TNIK: variants seen among roughly 807,000 people sequenced by gnomAD.
TNIK encodes the protein TRAF2 and NCK-interacting protein kinase.
Under a neutral mutation model 191.3 loss-of-function variants are expected in TNIK, and 49 were observed. The observed-to-expected ratio is 0.26, with a 90% CI of 0.20 to 0.32. The LOEUF is 0.32. TNIK is among the 10% of genes least tolerant of loss of function. The probability of loss-of-function intolerance (pLI) is 1.00; values close to 1 mark genes in which losing one functional copy is unlikely to be tolerated. For synonymous variants in TNIK, 594 were observed against 600.9 expected (o/e 0.99, Z 0.17); for missense variants, 1,155 against 1,702.3 (o/e 0.68, Z 5.66).
chr3:171,381,891 T>C (rs1315465716), intron 1 of TNIK, among the ~76,000 whole-genome samples: 2 of 152,200 alleles, frequency 1.3e-5, no homozygotes, highest in African/African-American at 4.8e-5. Context: ...AATTTAAGAA[T>C]GGAAGCCTTA....
chr3:171,290,723 C>G (rs1751590528), intron 2 of TNIK, among the ~76,000 whole-genome samples: 1 of 152,166 alleles, frequency 6.6e-6, no homozygotes, highest in Admixed American at 6.5e-5. Context: ...ACTTCCAAAT[C>G]CTCATCACCA....
At chr3:171,218,379 C>T (rs1324928845) in intron 3 of TNIK, among the ~76,000 whole-genome samples, 1 of 152,072 alleles carries the variant, frequency 6.6e-6, no homozygotes, top group African/African-American at 2.4e-5. Flanking sequence ...TTAACAAGAC[C>T]CAAACTCAAG....
At chr3:171,118,233 G>C (rs2108536511) in intron 18 of TNIK, among the ~76,000 whole-genome samples, 1 of 152,252 alleles carries the variant, frequency 6.6e-6, no homozygotes, top group South Asian at 2.1e-4. Flanking sequence ...ACTTACAAGG[G>C]ACGTGAAGGA....
At chr3:171,072,463 CCAGAGCCAA>C in intron 28 of TNIK, among the ~76,000 whole-genome samples, 1 of 152,058 alleles carries the variant, frequency 6.6e-6, no homozygotes, top group Admixed American at 6.6e-5. Flanking sequence ...TATGACAAAC[CCAGAGCCAA>C]CATCATACTG....
intron 2 of TNIK, among the ~76,000 whole-genome samples, chr3:171,261,456 T>G (rs774861388): frequency 6.6e-6 from 1 of 152,176 alleles, no homozygotes; most frequent in Non-Finnish European, 1.5e-5. Flanking sequence ...TAAATGTCAA[T>G]CTACTTTCAA....
chr3:171,365,161 C>CTTT lies in TNIK; in HGVS notation c.123+4456_123+4458dup, dbSNP rs60887361. On this transcript the variant is annotated intron_variant, in intron 2 of 32. Coordinates refer to ENST00000436636, the MANE Select transcript of TNIK (RefSeq NM_015028.4). ...AAGGACTACACAAAAGGACTACATT[C>CTTT]TTTTTTTTTTTTTTTTTTTTTTTTT... Among the ~76,000 whole-genome samples the CTTT allele has an allele frequency of 1.2e-3, 37 of 31,934 alleles. 11 individuals carry two copies. The highest frequency in any genetic ancestry group is 2.5e-3 in the African/African-American group (28 of 11,180). 20.9% of individuals were successfully genotyped at this position (31,934 alleles called of 152,430 possible).
intron 27 of TNIK, among the ~76,000 whole-genome samples, chr3:171,081,484 C>A (rs1244330364): frequency 6.7e-6 from 1 of 149,772 alleles, no homozygotes; most frequent in Non-Finnish European, 1.5e-5. Flanking sequence ...TGACTCTGGT[C>A]TGGGGGTGCA....
intron 2 of TNIK, among the ~76,000 whole-genome samples, chr3:171,269,144 C>T (rs1405323556): frequency 6.6e-6 from 1 of 152,030 alleles, no homozygotes; most frequent in East Asian, 1.9e-4. Context: ...AGCATGTTGG[C>T]TACTTGAAAA....
At chr3:171,233,374 A>T (rs1743898969) in intron 2 of TNIK, among the ~76,000 whole-genome samples, 1 of 152,218 alleles carries the variant, frequency 6.6e-6, no homozygotes. Flanking sequence ...AAAAAGCAGA[A>T]TGTAGAATAT....
intron 18 of TNIK, among the ~76,000 whole-genome samples, chr3:171,119,412 A>C (rs922257078): frequency 2.0e-5 from 3 of 152,160 alleles, no homozygotes; most frequent in African/African-American, 4.8e-5. Flanking sequence ...AACTAGAAAT[A>C]CCATTTGACC....
At chr3:171,219,544 A>G (rs1404567077) in intron 3 of TNIK, among the ~76,000 whole-genome samples, 2 of 151,906 alleles carry the variant, frequency 1.3e-5, no homozygotes, top group African/African-American at 4.8e-5. Flanking sequence ...TCAAATGAGA[A>G]AGAACTTTTA....
intron 2 of TNIK, among the ~76,000 whole-genome samples, chr3:171,361,376 A>G (rs1450364369): frequency 6.6e-6 from 1 of 152,244 alleles, no homozygotes; most frequent in Non-Finnish European, 1.5e-5. Flanking sequence ...ACTACCTAGT[A>G]GAGCAATCGA....
At position 171,082,647 on chromosome 3, in the gene TNIK, A is replaced by G. The variant is rs144805168; in HGVS notation, c.3170-253T>C. On this transcript the variant is annotated intron_variant, in intron 26 of 32. Coordinates refer to ENST00000436636, the MANE Select transcript of TNIK (RefSeq NM_015028.4). Reference sequence around the variant, plus strand: ...TAGTTATTTACTACCTAATGCAGAGAGTCCTTGTCAATAGGAGCCTTAGGC... The same window carrying G: ...TAGTTATTTACTACCTAATGCAGAGGGTCCTTGTCAATAGGAGCCTTAGGC... The G allele has an allele frequency of 6.8e-4, 269 of 396,018 alleles. 1 individual carries two copies. Among genetic ancestry groups the G allele is most frequent in the African/African-American group, 5.2e-3 (255 of 48,810 alleles). The allele number at this position is 396,018 out of a possible 1,614,324, so 24.5% of individuals were successfully genotyped here.
chr3:171,255,335 A>G lies in TNIK; in HGVS notation c.124-27114T>C, dbSNP rs190691172. On this transcript the variant is annotated intron_variant, in intron 2 of 32. Coordinates refer to ENST00000436636, the MANE Select transcript of TNIK (RefSeq NM_015028.4). ...TCTACTCCCCATGAGGAAACAGTAG[A>G]TTTTTCTAAAGCTCCCTGGGTGACA... is the stretch of plus-strand genomic sequence containing the variant. Among the ~76,000 whole-genome samples the G allele has an allele frequency of 3.3e-4, 50 of 152,270 alleles. No individual in the cohort carries two copies. The East Asian group carries it at 9.3e-3, about 28-fold the overall frequency.
rs913431525 is a variant in TNIK, at chr3:171,367,481, G to A, written c.123+2139C>T. ...GCCCCATAGCATTTTTTTGGGGGGG[G>A]GGGGAGGGGACAGAGTCCCACTCTC... On this transcript the variant is annotated intron_variant, in intron 2 of 32. Coordinates refer to ENST00000436636, the MANE Select transcript of TNIK (RefSeq NM_015028.4). Among the ~76,000 whole-genome samples, 22 of 151,434 alleles carry A rather than the reference G, an allele frequency of 1.5e-4. No homozygotes were observed. In the South Asian group the frequency reaches 3.8e-3, roughly 26 times the overall value.
At chr3:171,075,163 T>C (rs1337418354) in intron 28 of TNIK, among the ~76,000 whole-genome samples, 1 of 152,264 alleles carries the variant, frequency 6.6e-6, no homozygotes, top group Admixed American at 6.5e-5. Context: ...TCTGTAATCA[T>C]ACAGTATTAG....
intron 8 of TNIK, 112 bp downstream of exon 8, chr3:171,177,214 C>A: frequency 9.7e-7 from 1 of 1,027,888 alleles, no homozygotes; most frequent in South Asian, 2.1e-5. Flanking sequence ...CAGCTTGAAT[C>A]CATGCAGGGC....
chr3:171,234,800 A>G (rs1172408520), intron 2 of TNIK, among the ~76,000 whole-genome samples: 1 of 152,196 alleles, frequency 6.6e-6, no homozygotes, highest in Non-Finnish European at 1.5e-5. Flanking sequence ...AAAGACACGC[A>G]CAGCTGAAGT....
chr3:171,172,628 A>G (rs1419025394), intron 9 of TNIK, among the ~76,000 whole-genome samples: 1 of 152,194 alleles, frequency 6.6e-6, no homozygotes, highest in Non-Finnish European at 1.5e-5. Context: ...TGGAGGCTGC[A>G]CCACCACCTC....
Sources: gnomAD v4.1 joint callset for allele counts (sites outside exome capture counted in the v4.1 genomes callset) on GRCh38, gnomAD v4.1.1 for gene constraint, MANE v1.5 for transcripts, NCBI Gene and HGNC (gene_info 2026-07-23, HGNC 2026-07-21) for gene names.